The following TFDP2 variants were observed in gnomAD, a reference collection of about 807,000 sequenced individuals.
TFDP2 encodes the protein transcription factor Dp-2.
A neutral mutation model predicts 59.3 loss-of-function variants in TFDP2; 17 were observed. The ratio of observed to expected loss-of-function variants is 0.29; its 90% CI spans 0.20 to 0.43. The LOEUF (loss-of-function observed/expected upper bound fraction) is 0.43, where lower values mean the gene tolerates loss of function less well. Among genes scored for constraint, TFDP2 ranks in the 20% least tolerant of loss-of-function variants. TFDP2 has a pLI of 1.00. For missense variants in TFDP2, 391 were observed against 528.8 expected (o/e 0.74, Z 2.56); for synonymous variants, 180 against 194.7 (o/e 0.92, Z 0.63).
intron 1 of TFDP2, among the ~76,000 whole-genome samples, chr3:142,129,604 A>C (rs1424296788): frequency 6.6e-6 from 1 of 152,092 alleles, no homozygotes; most frequent in Non-Finnish European, 1.5e-5. Context: ...ATAATGCAAC[A>C]ATTTTTAAAA....
intron 3 of TFDP2, chr3:142,043,816 T>C: frequency 5.7e-6 from 9 of 1,578,416 alleles, no homozygotes; most frequent in Non-Finnish European, 7.8e-6. Context: ...CCGCTTGTTT[T>C]TGAACACATT....
At chr3:141,988,457 T>C (rs978709678) in intron 6 of TFDP2, among the ~76,000 whole-genome samples, 1 of 152,064 alleles carries the variant, frequency 6.6e-6, no homozygotes, top group East Asian at 1.9e-4. Context: ...AAAGCTACTG[T>C]GGAAGTCCCT....
At chr3:142,023,608 G>C (rs1362535859) in intron 3 of TFDP2, among the ~76,000 whole-genome samples, 4 of 152,112 alleles carry the variant, frequency 2.6e-5, no homozygotes, top group African/African-American at 4.8e-5. Flanking sequence ...AGAGGGGATC[G>C]TTGTTTTATA....
intron 1 of TFDP2, among the ~76,000 whole-genome samples, chr3:142,145,991 A>T (rs980647227): frequency 6.6e-6 from 1 of 152,154 alleles, no homozygotes; most frequent in Non-Finnish European, 1.5e-5. Flanking sequence ...TAATAATAAA[A>T]TTTTTTATCA....
intron 3 of TFDP2, among the ~76,000 whole-genome samples, chr3:142,011,296 T>C (rs1214170303): frequency 1.8e-5 from 2 of 113,598 alleles, no homozygotes; most frequent in Non-Finnish European, 3.7e-5. Context: ...TGTAGGGACA[T>C]GGATGAAATT....
intron 3 of TFDP2, among the ~76,000 whole-genome samples, chr3:142,047,993 C>T (rs1947430842): frequency 6.6e-6 from 1 of 152,058 alleles, no homozygotes; most frequent in Non-Finnish European, 1.5e-5. Context: ...CCACACACCT[C>T]GGCCTCCCAA....
At chr3:142,064,190 G>A (rs967335203) in intron 3 of TFDP2, among the ~76,000 whole-genome samples, 8 of 152,128 alleles carry the variant, frequency 5.3e-5, no homozygotes, top group East Asian at 3.9e-4. Flanking sequence ...GGGCTCAAGC[G>A]ATCTGTCCAC....
At chr3:141,983,903 A>G (rs1941766720) in intron 6 of TFDP2, among the ~76,000 whole-genome samples, 1 of 152,212 alleles carries the variant, frequency 6.6e-6, no homozygotes, top group Non-Finnish European at 1.5e-5. Flanking sequence ...ACAATATGGC[A>G]ATTTCTCAAA....
chr3:142,050,312 T>G (rs1224025644), intron 3 of TFDP2, among the ~76,000 whole-genome samples: 1 of 151,688 alleles, frequency 6.6e-6, no homozygotes, highest in African/African-American at 2.4e-5. Context: ...ATAATGGTTC[T>G]TGTTTTCATC....
intron 1 of TFDP2, among the ~76,000 whole-genome samples, chr3:142,145,895 C>T (rs2063155844): frequency 6.6e-6 from 1 of 152,064 alleles, no homozygotes; most frequent in Non-Finnish European, 1.5e-5. Context: ...TCACATATTC[C>T]TTATGAGAAC....
chr3:141,991,764 T>A (rs1942792394), intron 6 of TFDP2, among the ~76,000 whole-genome samples: 2 of 151,374 alleles, frequency 1.3e-5, no homozygotes, highest in African/African-American at 4.9e-5. Context: ...CAAAAGAGGC[T>A]GGGCGTGGTG....
intron 3 of TFDP2, among the ~76,000 whole-genome samples, chr3:142,007,050 A>G (rs1944275856): frequency 6.6e-6 from 1 of 152,206 alleles, no homozygotes; most frequent in Non-Finnish European, 1.5e-5. Flanking sequence ...TCTGGATTAC[A>G]GGCGTGAGCC....
intron 3 of TFDP2, among the ~76,000 whole-genome samples, chr3:142,073,472 CAAA>C (rs79018185): frequency 1.9e-5 from 1 of 52,502 alleles, no homozygotes; most frequent in Admixed American, 2.3e-4. Context: ...CCCCCCCCCG[CAAA>C]AAAAAAAAAT....
intron 3 of TFDP2, among the ~76,000 whole-genome samples, chr3:142,087,751 C>G (rs918390315): frequency 6.6e-6 from 1 of 152,162 alleles, no homozygotes; most frequent in Middle Eastern, 3.2e-3. Flanking sequence ...ATCCACCCCC[C>G]TTGGCCTCCC....
chr3:141,964,984 G>A (rs1322168428), intron 9 of TFDP2, among the ~76,000 whole-genome samples: 5 of 151,956 alleles, frequency 3.3e-5, no homozygotes, highest in South Asian at 2.1e-4. Flanking sequence ...CCTTTTAGAC[G>A]GAGGCTGCAG....
Position 141,973,089 on chromosome 3 carries a change from A to ATG in TFDP2, c.663+957_663+958dup, listed in dbSNP as rs1437928170. On this transcript the variant is annotated intron_variant, in intron 8 of 12. Coordinates refer to ENST00000489671, the MANE Select transcript of TFDP2 (RefSeq NM_001178139.2). The stretch of plus-strand genomic sequence containing the variant: ...CCAATCTTAATTATCTCCCAAAGCT[A>ATG]TGTGTATATATATATATATATATAT... Among the ~76,000 whole-genome samples, 104 of 96,284 alleles carry ATG rather than the reference A, an allele frequency of 1.1e-3. 1 individual carries two copies. The highest frequency in any genetic ancestry group is 1.5e-3 in the Non-Finnish European group (71 of 47,944). The allele number at this position is 96,284 out of a possible 152,430, so 63.2% of individuals were successfully genotyped here.
intron 3 of TFDP2, among the ~76,000 whole-genome samples, chr3:142,047,950 C>A (rs1422986254): frequency 1.3e-5 from 2 of 151,968 alleles, no homozygotes; most frequent in African/African-American, 2.4e-5. Flanking sequence ...CCACGTTGGC[C>A]AGGCTGATCT....
intron 1 of TFDP2, among the ~76,000 whole-genome samples, chr3:142,133,268 G>A (rs2062583628): frequency 6.7e-6 from 1 of 150,198 alleles, no homozygotes; most frequent in East Asian, 1.9e-4. Context: ...CCAGACTGGA[G>A]TCCAGTGGCA....
chr3:141,988,155 A>G (rs1942336093), intron 6 of TFDP2, among the ~76,000 whole-genome samples: 3 of 152,098 alleles, frequency 2.0e-5, no homozygotes, highest in Admixed American at 2.0e-4. Flanking sequence ...CATGTTGCTC[A>G]GGCTAGTCTC....
Sources: gnomAD v4.1 joint callset for allele counts (sites outside exome capture counted in the v4.1 genomes callset) on GRCh38, gnomAD v4.1.1 for gene constraint, MANE v1.5 for transcripts, NCBI Gene and HGNC (gene_info 2026-07-23, HGNC 2026-07-21) for gene names.